Variants in PSMC2 observed in about 807,000 individuals in gnomAD.
PSMC2 encodes the protein 26S proteasome regulatory subunit 7.
PSMC2 carries 7 observed loss-of-function variants against 53.3 expected under a neutral mutation model. The observed-to-expected ratio is 0.13, with a 90% CI of 0.07 to 0.25. PSMC2 has a LOEUF of 0.25. Among genes scored for constraint, PSMC2 ranks in the 10% least tolerant of loss-of-function variants. The probability of loss-of-function intolerance (pLI) is 1.00; values close to 1 mark genes in which losing one functional copy is unlikely to be tolerated. For synonymous variants in PSMC2, 169 were observed against 183.9 expected (o/e 0.92, Z 0.66); for missense variants, 241 against 544.0 (o/e 0.44, Z 5.54).
At chr7:103,349,972 A>G (rs564090646) in intron 1 of PSMC2, among the ~76,000 whole-genome samples, 45 of 152,072 alleles carry the variant, frequency 3.0e-4, no homozygotes, top group African/African-American at 9.9e-4. Context: ...CTTCTCTGAC[A>G]TTTTCCATTT....
chr7:103,362,396 G>A, intron 5 of PSMC2: 1 of 1,336,580 alleles, frequency 7.5e-7, no homozygotes, highest in Non-Finnish European at 9.6e-7. Context: ...TAGTTGTGAT[G>A]CTAAGTGTGT....
At chr7:103,352,102 C>T (rs1819756824) in intron 1 of PSMC2, among the ~76,000 whole-genome samples, 1 of 151,268 alleles carries the variant, frequency 6.6e-6, no homozygotes, top group African/African-American at 2.4e-5. Flanking sequence ...GAGCCCCAAA[C>T]CTCCATCTAC....
chr7:103,362,067 T>C lies in PSMC2; in HGVS notation c.401T>C (p.Ile134Thr). Residue 134 changes from isoleucine (I) to threonine (T), a missense_variant, in exon 5 of 12, where the codon ATT becomes ACT. Transcript: ENST00000292644. The stretch of plus-strand genomic sequence containing the variant: ...AGTGATCAGGTGGCACCTACTGACA[T>C]TGAAGAAGGGATGAGAGTGGGGTAA... ...DLSDQVAPTDIEEGMRVGVDR... is the reference protein window; with the variant it reads ...DLSDQVAPTDTEEGMRVGVDR... 6.2e-7 allele frequency: 1 copy of C among 1,613,102 alleles called. No homozygotes were observed. Among genetic ancestry groups the C allele is most frequent in the Non-Finnish European group, 8.5e-7 (1 of 1,179,784 alleles).
intron 1 of PSMC2, chr7:103,352,679 C>T: frequency 3.5e-6 from 2 of 573,486 alleles, no homozygotes; most frequent in Non-Finnish European, 6.3e-6. Flanking sequence ...CAAGTGTGAG[C>T]CACAGCATCC....
At position 103,367,866 on chromosome 7, in the gene PSMC2, T is replaced by G. The variant is rs1820797682; in HGVS notation, c.1145-31T>G. The G allele has an allele frequency of 6.2e-7, 1 of 1,612,104 alleles. No individual in the cohort carries two copies. The highest frequency in any genetic ancestry group is 8.5e-7 in the Non-Finnish European group (1 of 1,179,268). ...GTCTGTCTGCTCAGGCTGCTTTAATTAAGCCCGTTTATTTTCTTTTTGTTT... is the reference window on the plus strand; with the variant it reads ...GTCTGTCTGCTCAGGCTGCTTTAATGAAGCCCGTTTATTTTCTTTTTGTTT... On this transcript the variant is annotated intron_variant, in intron 11 of 11. Coordinates refer to ENST00000292644, the MANE Select transcript of PSMC2 (RefSeq NM_002803.4). This position sits in a 1 kb window ranked among gnomAD's most constrained non-coding sequence, Gnocchi z 6.1.
chr7:103,357,813 A>AC (rs145019047), intron 4 of PSMC2, among the ~76,000 whole-genome samples: 1,826 of 151,450 alleles, frequency 0.012, 36 homozygotes, highest in African/African-American at 0.042. Context: ...TATGAACTCA[A>AC]CCTCCCACTT....
At position 103,367,607 on chromosome 7, in the gene PSMC2, G is replaced by T. The variant is rs374218623; in HGVS notation, c.1039G>T (p.Asp347Tyr). The change falls in exon 10 of 12, where the codon GAT (aspartate) becomes TAT (tyrosine). Residue 347 changes from aspartate (D) to tyrosine (Y), a missense_variant. Asp to Tyr is a radical substitution (Grantham distance 160). Transcript: ENST00000292644. The surrounding 1 kb of genome is among the most constrained non-coding windows in gnomAD (Gnocchi z 6.1). Reference sequence around the variant, plus strand: ...TAGAAAAATTGAATTTAGCTTGCCCGATCTAGAGGTAAGAAAACCATTTCA... The same window carrying T: ...TAGAAAAATTGAATTTAGCTTGCCCTATCTAGAGGTAAGAAAACCATTTCA... ...LDRKIEFSLP[D>Y]LEGRTHIFKI... 1.2e-6 allele frequency: 2 copies of T among 1,613,790 alleles called. No homozygotes were observed. The highest frequency in any genetic ancestry group is 1.7e-5 in the Admixed American group (1 of 59,964).
intron 1 of PSMC2, among the ~76,000 whole-genome samples, chr7:103,348,101 C>T (rs976281843): frequency 6.6e-6 from 1 of 152,120 alleles, no homozygotes; most frequent in Non-Finnish European, 1.5e-5. Context: ...ATCCTCTTTC[C>T]TCTCCTCCTC....
intron 8 of PSMC2, among the ~76,000 whole-genome samples, chr7:103,365,360 G>A (rs1820656504): frequency 6.6e-6 from 1 of 152,124 alleles, no homozygotes; most frequent in East Asian, 1.9e-4. Flanking sequence ...GGCCAGGCAC[G>A]GTGGCTCATG....
In PSMC2 at chr7:103,347,716, C is replaced by T. The variant is rs1464465948; in HGVS notation, c.5C>T (p.Pro2Leu). 6.2e-7 allele frequency: 1 copy of T among 1,613,850 alleles called. No individual in the cohort carries two copies. The highest frequency in any genetic ancestry group is 8.5e-7 in the Non-Finnish European group (1 of 1,179,860). ...GAGGCTTTTGGAGCTGCTAAAATGC[C>T]GGATTACCTCGGTGCCGATCAGCGG... M[P>L]DYLGADQRKT... Residue 2 changes from proline (P) to leucine (L), a missense_variant, in exon 1 of 12, where the codon CCG becomes CTG. This residue lies in a region of PSMC2 where 70 missense variants were observed against 57.9 expected (regional missense o/e 1.21). Transcript: ENST00000292644.
At chr7:103,360,569 A>G (rs1217749013) in intron 4 of PSMC2, among the ~76,000 whole-genome samples, 2 of 152,162 alleles carry the variant, frequency 1.3e-5, no homozygotes, top group Admixed American at 1.3e-4. Context: ...AAGCCAAAGC[A>G]TTCTGTACCT....
At position 103,367,865 on chromosome 7, in the gene PSMC2, T is replaced by G; in HGVS notation, c.1145-32T>G. 6.2e-7 allele frequency: 1 copy of G among 1,612,252 alleles called. No individual in the cohort carries two copies. Among genetic ancestry groups the G allele is most frequent in the South Asian group, 1.1e-5 (1 of 90,916 alleles). On this transcript the variant is annotated intron_variant, in intron 11 of 11. Transcript: ENST00000292644. The surrounding 1 kb of genome is among the most constrained non-coding windows in gnomAD (Gnocchi z 6.1). Reference sequence around the variant, plus strand: ...GGTCTGTCTGCTCAGGCTGCTTTAATTAAGCCCGTTTATTTTCTTTTTGTT... The same window carrying G: ...GGTCTGTCTGCTCAGGCTGCTTTAAGTAAGCCCGTTTATTTTCTTTTTGTT...
intron 4 of PSMC2, among the ~76,000 whole-genome samples, chr7:103,358,293 G>C (rs1292301983): frequency 6.6e-6 from 1 of 152,026 alleles, no homozygotes; most frequent in African/African-American, 2.4e-5. Context: ...GTTCTATTTT[G>C]AAATTTCATG....
chr7:103,352,676 G>A, intron 1 of PSMC2: 1 of 570,340 alleles, frequency 1.8e-6, no homozygotes, highest in Non-Finnish European at 3.2e-6. Context: ...TTACAAGTGT[G>A]AGCCACAGCA....
At chr7:103,351,700 C>G (rs1819743545) in intron 1 of PSMC2, among the ~76,000 whole-genome samples, 1 of 152,194 alleles carries the variant, frequency 6.6e-6, no homozygotes, top group African/African-American at 2.4e-5. Context: ...GCAGTTAACT[C>G]TTCTGTGCAG....
chr7:103,359,563 TATC>T (rs2116201189), intron 4 of PSMC2, among the ~76,000 whole-genome samples: 1 of 152,314 alleles, frequency 6.6e-6, no homozygotes, highest in Admixed American at 6.5e-5. Flanking sequence ...ATCCTGGACA[TATC>T]ATCTAAATGG....
chr7:103,356,085 C>T (rs1820016370), intron 4 of PSMC2, among the ~76,000 whole-genome samples: 1 of 152,060 alleles, frequency 6.6e-6, no homozygotes, highest in Non-Finnish European at 1.5e-5. Flanking sequence ...AACGTAACTA[C>T]TGAAATAGTT....
At chr7:103,359,172 A>ATTTTTTTTTTTTTTTTTTTTTTTT (rs1586155184) in intron 4 of PSMC2, among the ~76,000 whole-genome samples, 2 of 58,386 alleles carry the variant, frequency 3.4e-5, no homozygotes, top group Non-Finnish European at 6.4e-5. Flanking sequence ...TTTTTTTTTA[A>ATTTTTTTTTTTTTTTTTTTTTTTT]TTTTTAGTAG....
intron 4 of PSMC2, among the ~76,000 whole-genome samples, chr7:103,357,890 A>T (rs1820133909): frequency 6.6e-6 from 1 of 151,990 alleles, no homozygotes; most frequent in Non-Finnish European, 1.5e-5. Flanking sequence ...GTTATACCTT[A>T]GTTGCATCTG....
Sources: allele counts gnomAD v4.1 joint callset (sites outside exome capture counted in the v4.1 genomes callset), GRCh38; gene constraint gnomAD v4.1.1; regional missense constraint gnomAD v4.1.1; non-coding constraint Gnocchi (gnomAD v3.1); transcripts MANE v1.5; gene names NCBI Gene and HGNC (gene_info 2026-07-23, HGNC 2026-07-21).